Variants in EPN3 observed in about 807,000 individuals in gnomAD.
EPN3 encodes the protein epsin-3.
A neutral mutation model predicts 55.5 loss-of-function variants in EPN3; 56 were observed. The observed-to-expected ratio is 1.01, with a 90% CI of 0.81 to 1.26. The LOEUF (loss-of-function observed/expected upper bound fraction) is 1.26. Among genes scored for constraint, EPN3 ranks in the 50% most tolerant of loss-of-function variants. The pLI is 0.00. For synonymous variants in EPN3, 449 were observed against 375.2 expected (o/e 1.20, Z -2.27); for missense variants, 927 against 853.4 (o/e 1.09, Z -1.07).
At chr17:50,541,820 C>T (rs754853206) in intron 9 of EPN3, 24 bp from the exon 10 acceptor site, 2 of 1,611,068 alleles carry the variant, frequency 1.2e-6, no homozygotes, top group Non-Finnish European at 1.7e-6. Context: ...CCCCGGGTCA[C>T]TCAAAGCCAC....
At chr17:50,534,958 CCAGA>C (rs2034737891) in intron 1 of EPN3, among the ~76,000 whole-genome samples, 3 of 152,198 alleles carry the variant, frequency 2.0e-5, no homozygotes, top group African/African-American at 4.8e-5. Flanking sequence ...CTCTGCAGGC[CCAGA>C]CAGTGTGTGT....
chr17:50,540,198 C>G, intron 5 of EPN3, 49 bp from the exon 6 acceptor site: 1 of 1,509,100 alleles, frequency 6.6e-7, no homozygotes, highest in African/African-American at 1.4e-5. Context: ...CCTGCCCTCC[C>G]TCCAGGCCCC....
Position 50,536,561 on chromosome 17 carries a change from C to A in EPN3, c.5C>A (p.Thr2Lys), listed in dbSNP as rs528825208. 51 of 1,613,802 alleles carry A rather than the reference C, an allele frequency of 3.2e-5. No individual in the cohort carries two copies. The South Asian group carries it at 5.6e-4, about 18-fold the overall frequency. ...CCCACCTCCAAGTCTCCAGCCATGA[C>A]GACCTCCGCACTCCGGCGCCAGGTG... Reference protein sequence around the residue: MTTSALRRQVKN... With the variant: MKTSALRRQVKN... Residue 2 changes from threonine to lysine, a missense_variant, in exon 2 of 10, where the codon ACG (threonine) becomes AAG (lysine). Thr to Lys is a moderately conservative substitution (Grantham distance 78). Coordinates refer to ENST00000268933, the MANE Select transcript of EPN3 (RefSeq NM_017957.3).
At position 50,532,964 on chromosome 17, in the gene EPN3, G is replaced by GC. The variant is rs2094682620; in HGVS notation, c.-156dup. ...AGAGGCTACTCGGGCTGGGGCTGGG[G>GC]CCGAGGGAGCCCGCACTGGAGGTAA... On this transcript the variant is annotated 5_prime_UTR_variant, in exon 1 of 10. It introduces an in-frame stop codon into an upstream open reading frame of the 5' UTR. Coordinates refer to ENST00000268933, the MANE Select transcript of EPN3 (RefSeq NM_017957.3). 1 of 1,285,560 alleles carries GC rather than the reference G, an allele frequency of 7.8e-7. No individual in the cohort carries two copies. The highest frequency in any genetic ancestry group is 1.0e-6 in the Non-Finnish European group (1 of 987,256). 79.6% of individuals were successfully genotyped at this position (1,285,560 alleles called of 1,614,324 possible).
At chr17:50,534,136 AGGCTTCTTCCTTTCCTCCTCCC>A (rs2034724399) in intron 1 of EPN3, among the ~76,000 whole-genome samples, 1 of 148,652 alleles carries the variant, frequency 6.7e-6, no homozygotes, top group African/African-American at 2.5e-5. Context: ...GCGCTTGGGC[AGGCTTCTTCCTTTCCTCCTCCC>A]TTCTCTGTGC....
intron 1 of EPN3, among the ~76,000 whole-genome samples, chr17:50,535,364 T>C (rs1187245282): frequency 6.6e-6 from 1 of 152,224 alleles, no homozygotes; most frequent in Non-Finnish European, 1.5e-5. Flanking sequence ...TTACGTGCCA[T>C]ATGATGCAGG....
chr17:50,536,204 T>C (rs1280313801), intron 1 of EPN3: 1 of 284,088 alleles, frequency 3.5e-6, no homozygotes. Flanking sequence ...ATGGAGGTAA[T>C]GATAATAGCA....
In EPN3 at chr17:50,542,463, T is replaced by G; in HGVS notation, c.*306T>G. ...TTTAGGAAACTGCAGCTGCACAACGTGGGGTGCAAAACTGCCCCGCTTCCT... is the reference window on the plus strand; with the variant it reads ...TTTAGGAAACTGCAGCTGCACAACGGGGGGTGCAAAACTGCCCCGCTTCCT... On this transcript the variant is annotated 3_prime_UTR_variant, in exon 10 of 10. Coordinates refer to ENST00000268933, the MANE Select transcript of EPN3 (RefSeq NM_017957.3). 1 of 344,234 alleles carries G rather than the reference T, an allele frequency of 2.9e-6. No individual in the cohort carries two copies. Among genetic ancestry groups the G allele is most frequent in the Non-Finnish European group, 5.2e-6 (1 of 190,810 alleles). 21.3% of individuals were successfully genotyped at this position (344,234 alleles called of 1,614,324 possible).
In EPN3 at chr17:50,532,763, C is replaced by T; in HGVS notation, c.-359C>T. 2 of 652,350 alleles carry T rather than the reference C, an allele frequency of 3.1e-6. 1 individual carries two copies. The highest frequency in any genetic ancestry group is 3.3e-5 in the South Asian group (2 of 60,940). The allele number at this position is 652,350 out of a possible 1,614,324, so 40.4% of individuals were successfully genotyped here. ...GTGCTGCCTGGCGCTGGCTAGGAGGCAAACGCACGCGGGAAGAGCTGCTAC... is the reference window on the plus strand; with the variant it reads ...GTGCTGCCTGGCGCTGGCTAGGAGGTAAACGCACGCGGGAAGAGCTGCTAC... On this transcript the variant is annotated 5_prime_UTR_variant, in exon 1 of 10. Transcript: ENST00000268933.
At position 50,538,933 on chromosome 17, in the gene EPN3, C is replaced by T. The variant is rs748462852; in HGVS notation, c.731C>T (p.Ala244Val). 9 of 1,608,422 alleles carry T rather than the reference C, an allele frequency of 5.6e-6. No individual in the cohort carries two copies. The East Asian group carries it at 2.0e-4, about 36-fold the overall frequency. Residue 244 changes from alanine (A) to valine (V), a missense_variant, in exon 4 of 10, where the codon GCT becomes GTT. By Grantham distance (64) the Ala-to-Val change is moderately conservative (BLOSUM62 0). Coordinates refer to ENST00000268933, the MANE Select transcript of EPN3 (RefSeq NM_017957.3). ...GACGAGGACCTGCAGCTGCAGCTGG[C>T]TCTGCGCCTGAGCCGGCAGGAGCAC... is the stretch of plus-strand genomic sequence containing the variant. The part of the protein sequence containing the change: ...HRDEDLQLQL[A>V]LRLSRQEHEK...
At chr17:50,536,224 T>G in intron 1 of EPN3, 197 bp from the exon 2 acceptor site, 2 of 330,002 alleles carry the variant, frequency 6.1e-6, no homozygotes, top group Non-Finnish European at 5.7e-6. Context: ...ATCTTTGGGG[T>G]GTGGCTGTGA....
Position 50,537,131 on chromosome 17 carries a change from C to T in EPN3, c.562+13C>T, listed in dbSNP as rs547103311. 56 of 1,569,526 alleles carry T rather than the reference C, an allele frequency of 3.6e-5. No individual in the cohort carries two copies. The highest frequency in any genetic ancestry group is 3.0e-4 in the African/African-American group (22 of 74,220). ...TCCTCCTACAACTGTGAGTAAGCCCCGGTGTGTGGCTGGGATGGGGAGGTG... is the reference window on the plus strand; with the variant it reads ...TCCTCCTACAACTGTGAGTAAGCCCTGGTGTGTGGCTGGGATGGGGAGGTG... On this transcript the variant is annotated intron_variant, in intron 2 of 9. Coordinates refer to ENST00000268933, the MANE Select transcript of EPN3 (RefSeq NM_017957.3).
Position 50,540,907 on chromosome 17 carries a change from C to A in EPN3, c.1094C>A (p.Pro365His). 2 of 1,614,186 alleles carry A rather than the reference C, an allele frequency of 1.2e-6. No homozygotes were observed. Among genetic ancestry groups the A allele is most frequent in the Non-Finnish European group, 1.7e-6 (2 of 1,180,024 alleles). The change falls in exon 7 of 10, where the codon CCC (proline) becomes CAC (histidine). Residue 365 changes from proline to histidine, a missense_variant. Pro to His is a moderately conservative substitution (Grantham distance 77, BLOSUM62 -2). Coordinates refer to ENST00000268933, the MANE Select transcript of EPN3 (RefSeq NM_017957.3). ...LSRSQPWDLT[P>H]MLSSSEPWGR... ...CGAAGCCAGCCCTGGGATCTGACTC[C>A]CATGCTCTCCTCCTCTGAGCCCTGG... is the stretch of plus-strand genomic sequence containing the variant.
In EPN3 at chr17:50,536,622, C is replaced by A; in HGVS notation, c.66C>A (p.Ile22=). Residue 22 remains isoleucine (I), a synonymous_variant, in exon 2 of 10, where the codon ATC becomes ATA. Transcript: ENST00000268933. ...NIVHNYSEAE[I]KVREATSNDP... is the part of the protein sequence containing the mutation. ...TGCACAACTACTCCGAGGCAGAAAT[C>A]AAGGTGCGCGAGGCCACCAGCAATG... The A allele has an allele frequency of 6.2e-7, 1 of 1,614,098 alleles. No individual in the cohort carries two copies. Among genetic ancestry groups the A allele is most frequent in the Middle Eastern group, 1.6e-4 (1 of 6,062 alleles).
Position 50,536,844 on chromosome 17 carries a change from C to A in EPN3, c.288C>A (p.Cys96Ter), listed in dbSNP as rs140833430. 4 of 1,613,996 alleles carry A rather than the reference C, an allele frequency of 2.5e-6. No homozygotes were observed. Among genetic ancestry groups the A allele is most frequent in the African/African-American group, 2.7e-5 (2 of 74,904 alleles). Reference sequence around the variant, plus strand: ...GCTCCGAGCGGGTGGCCCACCAGTGCCGCGAGAACCTCTACACCATCCAGA... The same window carrying A: ...GCTCCGAGCGGGTGGCCCACCAGTGACGCGAGAACCTCTACACCATCCAGA... ...KTGSERVAHQ[C>*]RENLYTIQTL... Residue 96 changes from cysteine to a stop codon, truncating the protein, a stop_gained, in exon 2 of 10, where the codon TGC (cysteine) becomes TGA (stop). Transcript: ENST00000268933. LOFTEE classifies it high-confidence loss of function.
chr17:50,538,131 G>A lies in EPN3; in HGVS notation c.615G>A (p.Gln205=). Residue 205 remains glutamine (Q), a synonymous_variant, in exon 3 of 10, where the codon CAG becomes CAA. Coordinates refer to ENST00000268933, the MANE Select transcript of EPN3 (RefSeq NM_017957.3). ...YTSDLEQARP[Q]TSGEEELQLQ... is the part of the protein sequence containing the mutation. ...CCGACCTGGAGCAGGCCCGGCCTCA[G>A]ACGTCAGGGGAAGAGGAACTGCAGC... 1 of 1,613,970 alleles carries A rather than the reference G, an allele frequency of 6.2e-7. No homozygotes were observed. The highest frequency in any genetic ancestry group is 8.5e-7 in the Non-Finnish European group (1 of 1,180,006).
At position 50,532,802 on chromosome 17, in the gene EPN3, C is replaced by A; in HGVS notation, c.-320C>A. On this transcript the variant is annotated 5_prime_UTR_variant, in exon 1 of 10. Coordinates refer to ENST00000268933, the MANE Select transcript of EPN3 (RefSeq NM_017957.3). ...AAGAGCTGCTACCCATTCCAGGGAC[C>A]CTGCCGCTGCCCCTCTGAGGGGTCT... The A allele has an allele frequency of 9.7e-7, 1 of 1,027,754 alleles. No individual in the cohort carries two copies. The highest frequency in any genetic ancestry group is 1.4e-5 in the South Asian group (1 of 70,680). The allele number at this position is 1,027,754 out of a possible 1,614,324, so 63.7% of individuals were successfully genotyped here.
At chr17:50,541,201 C>T in intron 7 of EPN3, 28 bp from the exon 8 acceptor site, 1 of 1,612,328 alleles carries the variant, frequency 6.2e-7, no homozygotes. Context: ...TTTGTCAACC[C>T]ATCTCCTCTT....
At position 50,537,031 on chromosome 17, in the gene EPN3, A is replaced by T. The variant is rs758623384; in HGVS notation, c.475A>T (p.Ile159Phe). The change falls in exon 2 of 10, where the codon ATC (isoleucine) becomes TTC (phenylalanine). Residue 159 changes from isoleucine to phenylalanine, a missense_variant. Ile to Phe is a conservative substitution (Grantham distance 21). Coordinates refer to ENST00000268933, the MANE Select transcript of EPN3 (RefSeq NM_017957.3). Reference sequence around the variant, plus strand: ...CAAGGAGCGCATGGCACTGGAGGGCATCGGCATTGGCAGTGGGCAGCTGGG... The same window carrying T: ...CAAGGAGCGCATGGCACTGGAGGGCTTCGGCATTGGCAGTGGGCAGCTGGG... ...KTKERMALEG[I>F]GIGSGQLGFS... The T allele has an allele frequency of 6.2e-7, 1 of 1,613,054 alleles. No homozygotes were observed. Among genetic ancestry groups the T allele is most frequent in the Non-Finnish European group, 8.5e-7 (1 of 1,179,906 alleles).
Sources: allele counts gnomAD v4.1 joint callset (sites outside exome capture counted in the v4.1 genomes callset), GRCh38; gene constraint gnomAD v4.1.1; transcripts MANE v1.5; gene names NCBI Gene and HGNC (gene_info 2026-07-23, HGNC 2026-07-21).